The following DPP10 variants were observed in gnomAD, a reference collection of about 807,000 sequenced individuals.
DPP10 encodes the protein inactive dipeptidyl peptidase 10.
A neutral mutation model predicts 120.9 loss-of-function variants in DPP10; 33 were observed. The observed-to-expected ratio is 0.27, with a 90% CI of 0.21 to 0.37. The LOEUF (loss-of-function observed/expected upper bound fraction) is 0.37. DPP10 is among the 10% of genes least tolerant of loss of function. The pLI is 1.00. For missense variants in DPP10, 816 were observed against 942.8 expected, an observed-to-expected ratio of 0.87 and a Z score of 1.76; for synonymous variants, 337 against 326.1, an observed-to-expected ratio of 1.03 and a Z score of -0.36.
At chr2:114,643,935 A>ATAT (rs1325004429) in intron 1 of DPP10, among the ~76,000 whole-genome samples, 10 of 130,188 alleles carry the variant, frequency 7.7e-5, no homozygotes, top group East Asian at 6.8e-4. Context: ...ATATATATAT[A>ATAT]TTTTTTTTTT....
intron 1 of DPP10, among the ~76,000 whole-genome samples, chr2:114,801,120 G>C (rs375176205): frequency 1.3e-5 from 2 of 151,706 alleles, no homozygotes; most frequent in Admixed American, 6.6e-5. Context: ...AAAATTAGCC[G>C]GGTGTGGTGG....
chr2:114,750,249 G>A (rs942718151), intron 1 of DPP10, among the ~76,000 whole-genome samples: 5 of 151,074 alleles, frequency 3.3e-5, no homozygotes, highest in African/African-American at 9.7e-5. Context: ...AATTTTGGAA[G>A]TTGTTAAAAA....
chr2:115,624,718 A>G (rs2085226136), intron 5 of DPP10, among the ~76,000 whole-genome samples: 1 of 152,238 alleles, frequency 6.6e-6, no homozygotes, highest in Admixed American at 6.5e-5. Flanking sequence ...TTACCAACCT[A>G]TAACATTGGT....
At chr2:114,815,214 G>A (rs41507450) in intron 1 of DPP10, among the ~76,000 whole-genome samples, 1,842 of 152,204 alleles carry the variant, frequency 0.012, 41 homozygotes, top group African/African-American at 0.042. Flanking sequence ...TTTGCATACA[G>A]GTCAGAGTCA....
rs1444376699 is a variant in DPP10, at chr2:115,499,571, T to C, written c.333T>C (p.Asn111=). 1 of 1,611,690 alleles carries C rather than the reference T, an allele frequency of 6.2e-7. No individual in the cohort carries two copies. The highest frequency in any genetic ancestry group is 1.7e-5 in the Admixed American group (1 of 59,752). ...GHVIKLNIET[N]ATTLLLENTT... The stretch of plus-strand genomic sequence containing the variant: ...TCATTAAACTGAATATAGAAACAAA[T>C]GCTACCACATTATTATTGGAAAACA... Residue 111 remains asparagine (N), a synonymous_variant, in exon 4 of 26, where the codon AAT becomes AAC. Transcript: ENST00000410059.
At chr2:115,613,045 A>G (rs1460636557) in intron 5 of DPP10, among the ~76,000 whole-genome samples, 1 of 152,198 alleles carries the variant, frequency 6.6e-6, no homozygotes, top group African/African-American at 2.4e-5. Context: ...TTCATGCTTT[A>G]CTGCTGAGAG....
chr2:115,127,911 G>GT (rs1183530033), intron 1 of DPP10, among the ~76,000 whole-genome samples: 3 of 152,028 alleles, frequency 2.0e-5, no homozygotes, highest in Non-Finnish European at 4.4e-5. Context: ...TAGTTCATGC[G>GT]TTTATCAGTT....
chr2:114,923,941 C>T (rs1695406251), intron 1 of DPP10, among the ~76,000 whole-genome samples: 1 of 152,000 alleles, frequency 6.6e-6, no homozygotes, highest in Non-Finnish European at 1.5e-5. Flanking sequence ...CCTGGTTGGT[C>T]TTGAACTCCT....
chr2:114,859,366 C>CAAAAAAAAAAAAAAAAAGAAAAAAAAAAA, intron 1 of DPP10, among the ~76,000 whole-genome samples: 1 of 129,982 alleles, frequency 7.7e-6, no homozygotes, highest in Non-Finnish European at 1.6e-5. Flanking sequence ...GAAACTCCGT[C>CAAAAAAAAAAAAAAAAAGAAAAAAAAAAA]AAAAAAAAAA....
chr2:115,549,491 A>G (rs1339241557), intron 5 of DPP10, among the ~76,000 whole-genome samples: 1 of 152,126 alleles, frequency 6.6e-6, no homozygotes, highest in Admixed American at 6.6e-5. Context: ...TCTCATTTCA[A>G]GATGACTGTT....
At chr2:115,187,426 G>A (rs544915063) in intron 1 of DPP10, among the ~76,000 whole-genome samples, 26 of 152,238 alleles carry the variant, frequency 1.7e-4, no homozygotes, top group African/African-American at 6.0e-4. Context: ...AGATATTTAT[G>A]GACATTTTTC....
chr2:115,776,802 T>C (rs1303209747), intron 13 of DPP10, among the ~76,000 whole-genome samples: 1 of 152,066 alleles, frequency 6.6e-6, no homozygotes, highest in East Asian at 1.9e-4. Flanking sequence ...ATGCCCATAC[T>C]GCAAAGGTTA....
Position 114,878,234 on chromosome 2 carries a change from T to C in DPP10, c.61-431005T>C, listed in dbSNP as rs141193267. 2.4e-4 allele frequency among the ~76,000 whole-genome samples: 36 copies of C among 152,210 alleles called. 1 individual carries two copies. The East Asian group carries it at 6.4e-3, about 27-fold the overall frequency. ...AATTTATTTAAGACAGTTGAGCTCA[T>C]CTCCTCTTAGACACAATCTAAAGAT... On this transcript the variant is annotated intron_variant, in intron 1 of 25. Coordinates refer to ENST00000410059, the MANE Select transcript of DPP10 (RefSeq NM_020868.6).
intron 1 of DPP10, among the ~76,000 whole-genome samples, chr2:114,732,160 A>C (rs1676982356): frequency 6.6e-6 from 1 of 152,204 alleles, no homozygotes; most frequent in South Asian, 2.1e-4. Flanking sequence ...AGTATTCCCT[A>C]TACATAGCTA....
chr2:114,530,898 C>T (rs966987901), intron 1 of DPP10, among the ~76,000 whole-genome samples: 8 of 152,008 alleles, frequency 5.3e-5, no homozygotes, highest in African/African-American at 1.5e-4. Context: ...CTATATTATA[C>T]ATTTTTACAT....
intron 4 of DPP10, among the ~76,000 whole-genome samples, chr2:115,507,031 C>T (rs930289862): frequency 4.2e-5 from 5 of 120,094 alleles, no homozygotes; most frequent in South Asian, 2.7e-4. Flanking sequence ...CACACACGCA[C>T]GCGCACACAC....
Position 115,843,391 on chromosome 2 carries a change from C to G in DPP10, c.*1046C>G, listed in dbSNP as rs981414975. ...GAAGGCTTTTTTCAAAACTCTTGGT[C>G]CTTTTACTTCTTTCTCTCAGTGCAG... is the stretch of plus-strand genomic sequence containing the variant. On this transcript the variant is annotated 3_prime_UTR_variant, in exon 26 of 26. Transcript: ENST00000410059. 6.6e-6 allele frequency: 1 copy of G among 152,556 alleles called. No individual in the cohort carries two copies. Among genetic ancestry groups the G allele is most frequent in the Non-Finnish European group, 1.5e-5 (1 of 68,010 alleles). The allele number at this position is 152,556 out of a possible 1,614,324, so 9.5% of individuals were successfully genotyped here.
At chr2:115,251,764 A>G (rs1559315359) in intron 1 of DPP10, among the ~76,000 whole-genome samples, 1 of 152,244 alleles carries the variant, frequency 6.6e-6, no homozygotes, top group Non-Finnish European at 1.5e-5. Flanking sequence ...GTGAGGAGTC[A>G]TAAATATGAT....
chr2:115,610,511 G>GTA (rs144904806), intron 5 of DPP10, among the ~76,000 whole-genome samples: 57 of 150,496 alleles, frequency 3.8e-4, no homozygotes, highest in East Asian at 1.2e-3. Flanking sequence ...GTGTGTGTGT[G>GTA]TGTTTTCAAC....
Sources: allele counts gnomAD v4.1 joint callset (sites outside exome capture counted in the v4.1 genomes callset), GRCh38; gene constraint gnomAD v4.1.1; transcripts MANE v1.5; gene names NCBI Gene and HGNC (gene_info 2026-07-23, HGNC 2026-07-21).